The following SPINK9 variants were observed in gnomAD, a reference collection of about 807,000 sequenced individuals.
SPINK9 encodes the protein serine peptidase inhibitor Kazal type 9.
A neutral mutation model predicts 10.8 loss-of-function variants in SPINK9; 3 were observed. That is an observed-to-expected ratio of 0.28 (90% CI 0.13 to 0.72). SPINK9 has a LOEUF of 0.72. Among genes scored for constraint, SPINK9 ranks in the 30% least tolerant of loss-of-function variants. The pLI is 0.74. For missense variants in SPINK9, 101 were observed against 103.2 expected, an observed-to-expected ratio of 0.98 and a Z score of 0.09; for synonymous variants, 30 against 31.2, an observed-to-expected ratio of 0.96 and a Z score of 0.12.
In SPINK9 at chr5:148,338,417, C is replaced by G; in HGVS notation, c.88-61C>G. 3 of 1,527,656 alleles carry G rather than the reference C, an allele frequency of 2.0e-6. No homozygotes were observed. In the South Asian group the frequency reaches 3.9e-5, roughly 20 times the overall value. 94.6% of individuals were successfully genotyped at this position (1,527,656 alleles called of 1,614,324 possible). On this transcript the variant is annotated intron_variant, in intron 2 of 3. Coordinates refer to ENST00000377906, the MANE Select transcript of SPINK9 (RefSeq NM_001040433.2). ...GCCCTCTGAGCTTGCTTGAAAAATC[C>G]TAAATCCTGATAATAAAGATTTGGT... is the stretch of plus-strand genomic sequence containing the variant.
intron 2 of SPINK9, among the ~76,000 whole-genome samples, chr5:148,327,329 A>G (rs1487986079): frequency 6.6e-6 from 1 of 152,114 alleles, no homozygotes; most frequent in Non-Finnish European, 1.5e-5. Flanking sequence ...CTATGTTCAT[A>G]TCCCTTGCCC....
chr5:148,325,085 A>G (rs1757042490), intron 2 of SPINK9, among the ~76,000 whole-genome samples: 1 of 152,066 alleles, frequency 6.6e-6, no homozygotes, highest in African/African-American at 2.4e-5. Flanking sequence ...TTCAAGGTTA[A>G]TCCATGTTGT....
At chr5:148,330,458 C>A (rs1757133368) in intron 2 of SPINK9, among the ~76,000 whole-genome samples, 2 of 152,136 alleles carry the variant, frequency 1.3e-5, no homozygotes, top group Admixed American at 1.3e-4. Flanking sequence ...ACTCTTTATC[C>A]AATTTGCCAG....
intron 2 of SPINK9, among the ~76,000 whole-genome samples, chr5:148,325,950 G>A (rs1195125134): frequency 6.6e-6 from 1 of 152,068 alleles, no homozygotes; most frequent in Non-Finnish European, 1.5e-5. Flanking sequence ...AGTTGTCCCA[G>A]CCTGAATTTT....
chr5:148,325,831 G>T (rs190214355), intron 2 of SPINK9, among the ~76,000 whole-genome samples: 50 of 151,906 alleles, frequency 3.3e-4, no homozygotes, highest in Non-Finnish European at 6.3e-4. Flanking sequence ...TTACACTTTG[G>T]GTTTTTTCTA....
intron 2 of SPINK9, 70 bp from the exon 3 acceptor site, chr5:148,338,408 T>G: frequency 2.7e-6 from 4 of 1,488,226 alleles, no homozygotes; most frequent in Admixed American, 2.2e-5. Flanking sequence ...TGAGCTTGCT[T>G]GAAAAATCCT....
rs1757263566 is a variant in SPINK9 at position 148,339,657 on chromosome 5, C to T, written c.216-10C>T. ...AGCATTTCTCATTTGTTGCTATATT[C>T]TCTCCACAGGAAAACTGACGGCACA... On this transcript the variant is annotated splice_polypyrimidine_tract_variant and intron_variant, in intron 3 of 3. Transcript: ENST00000377906. 1 of 1,611,768 alleles carries T rather than the reference C, an allele frequency of 6.2e-7. No individual in the cohort carries two copies. The highest frequency in any genetic ancestry group is 1.3e-5 in the African/African-American group (1 of 74,818).
At chr5:148,338,220 G>A (rs1217471589) in intron 2 of SPINK9, among the ~76,000 whole-genome samples, 1 of 152,054 alleles carries the variant, frequency 6.6e-6, no homozygotes, top group Non-Finnish European at 1.5e-5. Context: ...ACATCAACCA[G>A]TATTGTGAGA....
chr5:148,338,058 T>C (rs562535968), intron 2 of SPINK9, among the ~76,000 whole-genome samples: 8 of 152,258 alleles, frequency 5.3e-5, no homozygotes, highest in African/African-American at 1.9e-4. Flanking sequence ...TGATAGTAGT[T>C]ATCCCTACAT....
At chr5:148,333,351 G>A (rs539837339), upstream of SPINK9, among the ~76,000 whole-genome samples, 4 of 152,334 alleles carry the variant, frequency 2.6e-5, no homozygotes, top group South Asian at 2.1e-4. Flanking sequence ...ATTCAAGGGC[G>A]AGCTGATGGT....
upstream of SPINK9, among the ~76,000 whole-genome samples, chr5:148,330,805 C>A (rs1044210539): frequency 5.3e-5 from 8 of 152,104 alleles, no homozygotes; most frequent in African/African-American, 1.4e-4. Context: ...GTTGAAAATT[C>A]TTTTCTTTAA....
chr5:148,323,577 CT>C, intron 1 of SPINK9: 2 of 485,388 alleles, frequency 4.1e-6, no homozygotes, highest in Non-Finnish European at 3.6e-6. Context: ...TTCTTTCCTT[CT>C]TTATTCTTAG....
intron 2 of SPINK9, among the ~76,000 whole-genome samples, chr5:148,329,514 G>T (rs186604458): frequency 6.6e-6 from 1 of 152,004 alleles, no homozygotes; most frequent in Non-Finnish European, 1.5e-5. Flanking sequence ...CTTCAGTTCC[G>T]CTCTGATCTT....
At chr5:148,323,592 G>T (rs1757023311) in intron 1 of SPINK9, 2 of 505,760 alleles carry the variant, frequency 4.0e-6, no homozygotes, top group Non-Finnish European at 7.0e-6. Flanking sequence ...TTCTTAGGAA[G>T]AGTAAATCAT....
upstream of SPINK9, among the ~76,000 whole-genome samples, chr5:148,333,590 T>A (rs920692318): frequency 2.0e-5 from 3 of 152,130 alleles, no homozygotes; most frequent in African/African-American, 7.2e-5. Context: ...GTCATTGCCA[T>A]GGAAAGGGGC....
chr5:148,331,209 C>A (rs886298200), upstream of SPINK9, among the ~76,000 whole-genome samples: 1 of 152,194 alleles, frequency 6.6e-6, no homozygotes, highest in African/African-American at 2.4e-5. Context: ...TGGAGCTGTT[C>A]CTATTCGGCC....
chr5:148,337,124 A>T (rs893005711), intron 2 of SPINK9, among the ~76,000 whole-genome samples: 1 of 152,136 alleles, frequency 6.6e-6, no homozygotes, highest in African/African-American at 2.4e-5. Context: ...GCCATCCTTC[A>T]TGATTTAGTA....
chr5:148,335,762 AT>A, intron 1 of SPINK9, 94 bp downstream of exon 1: 1 of 1,407,856 alleles, frequency 7.1e-7, no homozygotes, highest in South Asian at 1.2e-5. Context: ...AATTCATCAC[AT>A]AAATAATAAG....
At chr5:148,325,953 T>C (rs1581184412) in intron 2 of SPINK9, among the ~76,000 whole-genome samples, 1 of 152,206 alleles carries the variant, frequency 6.6e-6, no homozygotes, top group Non-Finnish European at 1.5e-5. Context: ...TGTCCCAGCC[T>C]GAATTTTCGA....
Sources: allele counts gnomAD v4.1 joint callset (sites outside exome capture counted in the v4.1 genomes callset), GRCh38; gene constraint gnomAD v4.1.1; transcripts MANE v1.5; gene names NCBI Gene and HGNC (gene_info 2026-07-23, HGNC 2026-07-21).